The following SORCS2 variants were observed in gnomAD, a reference collection of about 807,000 sequenced individuals.
SORCS2 encodes VPS10 domain-containing receptor SorCS2.
Under a neutral mutation model 141.6 loss-of-function variants are expected in SORCS2, and 100 were observed. That is an observed-to-expected ratio of 0.71 (90% CI 0.60 to 0.83). The LOEUF is 0.83. Among genes scored for constraint, SORCS2 ranks in the 40% least tolerant of loss-of-function variants. The pLI, the probability that SORCS2 is intolerant of heterozygous loss-of-function variation, is 0.00. For synonymous variants in SORCS2, 789 were observed against 676.9 expected, an observed-to-expected ratio of 1.17 and a Z score of -2.57; for missense variants, 1,646 against 1,560.2, an observed-to-expected ratio of 1.05 and a Z score of -0.93.
At chr4:7,226,529 C>G (rs568492453) in intron 1 of SORCS2, among the ~76,000 whole-genome samples, 1 of 152,116 alleles carries the variant, frequency 6.6e-6, no homozygotes, top group African/African-American at 2.4e-5. Context: ...GGGACTCATC[C>G]GGAACAGGCG....
chr4:7,194,370 T>A (rs897963797), intron 1 of SORCS2, among the ~76,000 whole-genome samples: 1 of 152,188 alleles, frequency 6.6e-6, no homozygotes, highest in East Asian at 1.9e-4. Context: ...GCTGGGCTAC[T>A]CCCAGCCAGC....
intron 1 of SORCS2, among the ~76,000 whole-genome samples, chr4:7,368,327 A>AC (rs1722028445): frequency 6.6e-6 from 1 of 152,220 alleles, no homozygotes; most frequent in Non-Finnish European, 1.5e-5. Flanking sequence ...GTTAACTAAT[A>AC]AAGCCGGAGA....
chr4:7,418,706 C>G (rs1049000977), intron 2 of SORCS2, among the ~76,000 whole-genome samples: 16 of 113,144 alleles, frequency 1.4e-4, no homozygotes, highest in African/African-American at 4.9e-4. Context: ...CAAATGACCC[C>G]CCCCCCCACC....
intron 1 of SORCS2, among the ~76,000 whole-genome samples, chr4:7,338,544 C>G (rs1271870504): frequency 6.6e-6 from 1 of 152,114 alleles, no homozygotes; most frequent in Non-Finnish European, 1.5e-5. Context: ...AACTGAGGCC[C>G]AGAGGCACCC....
At chr4:7,604,739 G>C (rs1717953561) in intron 3 of SORCS2, among the ~76,000 whole-genome samples, 1 of 152,210 alleles carries the variant, frequency 6.6e-6, no homozygotes, top group South Asian at 2.1e-4. Context: ...GCAGAACTGT[G>C]AGTCAATTAA....
chr4:7,231,780 A>G (rs1198549805), intron 1 of SORCS2, among the ~76,000 whole-genome samples: 1 of 152,154 alleles, frequency 6.6e-6, no homozygotes, highest in Non-Finnish European at 1.5e-5. Context: ...CACTTTAGGA[A>G]TGAATGTGAC....
intron 2 of SORCS2, among the ~76,000 whole-genome samples, chr4:7,422,929 C>G (rs1411341661): frequency 1.3e-5 from 2 of 152,190 alleles, no homozygotes; most frequent in African/African-American, 4.8e-5. Context: ...CAGACCACGG[C>G]CCCTCTCCAT....
chr4:7,403,801 C>G (rs981807632), intron 2 of SORCS2, among the ~76,000 whole-genome samples: 1 of 149,472 alleles, frequency 6.7e-6, no homozygotes, highest in African/African-American at 2.5e-5. Context: ...AATTTTGTTA[C>G]ATGTGTAGAT....
At chr4:7,716,685 G>GTCCATCAA (rs1577111009) in intron 17 of SORCS2, among the ~76,000 whole-genome samples, 3 of 151,162 alleles carry the variant, frequency 2.0e-5, no homozygotes, top group African/African-American at 4.9e-5. Context: ...TTCATTCACC[G>GTCCATCAA]TCCATCCATC....
At chr4:7,244,270 G>A (rs529760898) in intron 1 of SORCS2, among the ~76,000 whole-genome samples, 1 of 152,172 alleles carries the variant, frequency 6.6e-6, no homozygotes, top group Non-Finnish European at 1.5e-5. Context: ...AACAAGCTTG[G>A]GGGGTGAGTT....
chr4:7,629,188 T>C (rs557040905), intron 3 of SORCS2, among the ~76,000 whole-genome samples: 1 of 152,322 alleles, frequency 6.6e-6, no homozygotes, highest in African/African-American at 2.4e-5. Flanking sequence ...TATATACACA[T>C]ACATATATCA....
chr4:7,344,629 A>C (rs1720551021), intron 1 of SORCS2, among the ~76,000 whole-genome samples: 1 of 152,168 alleles, frequency 6.6e-6, no homozygotes, highest in Non-Finnish European at 1.5e-5. Context: ...CAGAGAGTGG[A>C]CACTGAGGTG....
At chr4:7,682,635 G>C in intron 9 of SORCS2, 108 bp from the exon 10 acceptor site, 1 of 1,086,448 alleles carries the variant, frequency 9.2e-7, no homozygotes, top group African/African-American at 1.6e-5. Context: ...ACTGTGAAAT[G>C]AGGCCACATG....
At chr4:7,308,648 C>A (rs957810928) in intron 1 of SORCS2, among the ~76,000 whole-genome samples, 4 of 152,118 alleles carry the variant, frequency 2.6e-5, no homozygotes, top group African/African-American at 4.8e-5. Flanking sequence ...CCACTGGCCA[C>A]CCACAGCTCC....
intron 1 of SORCS2, among the ~76,000 whole-genome samples, chr4:7,373,478 A>ATATATATATATATTTTT (rs1470691140): frequency 2.7e-5 from 1 of 36,824 alleles, no homozygotes; most frequent in African/African-American, 1.6e-4. Context: ...ATATATATAT[A>ATATATATATATATTTTT]TTTTTTTTTT....
intron 1 of SORCS2, among the ~76,000 whole-genome samples, chr4:7,371,497 C>A (rs1438348409): frequency 6.6e-6 from 1 of 152,140 alleles, no homozygotes; most frequent in African/African-American, 2.4e-5. Flanking sequence ...GTTGGTAGGA[C>A]ATTCTTCATA....
chr4:7,403,981 A>G (rs1472687100), intron 2 of SORCS2, among the ~76,000 whole-genome samples: 308 of 16,836 alleles, frequency 0.018, 21 homozygotes, highest in African/African-American at 0.061. Flanking sequence ...ATATATATAT[A>G]TATATATATA....
intron 1 of SORCS2, among the ~76,000 whole-genome samples, chr4:7,355,766 T>C (rs1204619398): frequency 6.6e-6 from 1 of 152,242 alleles, no homozygotes; most frequent in Non-Finnish European, 1.5e-5. Context: ...CCTCTCGCTG[T>C]GAGCCCGAGG....
intron 2 of SORCS2, among the ~76,000 whole-genome samples, chr4:7,435,819 T>C (rs964869361): frequency 6.6e-6 from 1 of 152,230 alleles, no homozygotes; most frequent in African/African-American, 2.4e-5. Flanking sequence ...TGGAGAAATC[T>C]GGAGTCAGCC....
Sources: gnomAD v4.1 joint callset for allele counts (sites outside exome capture counted in the v4.1 genomes callset) on GRCh38, gnomAD v4.1.1 for gene constraint, MANE v1.5 for transcripts, NCBI Gene and HGNC (gene_info 2026-07-23, HGNC 2026-07-21) for gene names.